The following XKR4 variants were observed in gnomAD, a reference collection of about 807,000 sequenced individuals.
The protein encoded by XKR4 is XK related 4, also known as XK-related protein 4.
A neutral mutation model predicts 53.9 loss-of-function variants in XKR4; 12 were observed. The observed-to-expected ratio is 0.22, with a 90% confidence interval of 0.14 to 0.36. XKR4 has a LOEUF of 0.36. XKR4 is among the 10% of genes least tolerant of loss of function. The pLI is 1.00. For missense variants in XKR4, 799 were observed against 859.5 expected (o/e 0.93, Z 0.88); for synonymous variants, 354 against 362.4 (o/e 0.98, Z 0.26).
At chr8:55,437,374 A>G (rs1450365913) in intron 2 of XKR4, among the ~76,000 whole-genome samples, 1 of 152,030 alleles carries the variant, frequency 6.6e-6, no homozygotes, top group Non-Finnish European at 1.5e-5. Flanking sequence ...CCCAAATCAG[A>G]TTTAGAAGTT....
intron 1 of XKR4, among the ~76,000 whole-genome samples, chr8:55,158,261 G>T (rs756983258): frequency 1.3e-5 from 2 of 152,278 alleles, no homozygotes; most frequent in East Asian, 3.9e-4. Context: ...GATTAGTGAC[G>T]TTGAGGATTT....
chr8:55,375,285 C>T (rs1804130648), intron 2 of XKR4, among the ~76,000 whole-genome samples: 1 of 152,184 alleles, frequency 6.6e-6, no homozygotes, highest in Non-Finnish European at 1.5e-5. Flanking sequence ...GGAGCGTGCA[C>T]CACCTGCCCA....
intron 1 of XKR4, among the ~76,000 whole-genome samples, chr8:55,252,978 A>G (rs1462674461): frequency 6.6e-6 from 1 of 152,154 alleles, no homozygotes; most frequent in Non-Finnish European, 1.5e-5. Flanking sequence ...GGGATGGAAC[A>G]TAGGGAAGAA....
chr8:55,356,187 A>T (rs564792921), intron 1 of XKR4, among the ~76,000 whole-genome samples: 2 of 152,334 alleles, frequency 1.3e-5, no homozygotes, highest in East Asian at 3.9e-4. Flanking sequence ...GAATATCACC[A>T]TTTTGCAACC....
chr8:55,323,291 G>A (rs1787675563), intron 1 of XKR4, among the ~76,000 whole-genome samples: 2 of 152,318 alleles, frequency 1.3e-5, no homozygotes, highest in Admixed American at 6.5e-5. Context: ...TCATTGCAAT[G>A]AAGATACAGA....
chr8:55,455,474 G>A (rs1383790200), intron 2 of XKR4, among the ~76,000 whole-genome samples: 1 of 152,148 alleles, frequency 6.6e-6, no homozygotes, highest in Non-Finnish European at 1.5e-5. Context: ...CATAAACTTT[G>A]GTGCTAGAGG....
chr8:55,110,426 T>C (rs958533598), intron 1 of XKR4, among the ~76,000 whole-genome samples: 9 of 152,180 alleles, frequency 5.9e-5, no homozygotes, highest in Admixed American at 2.0e-4. Context: ...ACTCAGTGAA[T>C]ATCTGCTGAT....
At chr8:55,421,934 C>A (rs988679404) in intron 2 of XKR4, among the ~76,000 whole-genome samples, 1 of 152,184 alleles carries the variant, frequency 6.6e-6, no homozygotes, top group Admixed American at 6.5e-5. Context: ...ATTCAGTAAG[C>A]TCCTGGGAGC....
rs147756776 is a variant in XKR4, at chr8:55,460,167, G to A, written c.1007-63114G>A. On this transcript the variant is annotated intron_variant, in intron 2 of 2. Transcript: ENST00000327381. ...AAAAATCTGGCAAATAAAGGAAACC[G>A]TACGCAAAGACTACCTATTGTATTA... Among the ~76,000 whole-genome samples, 102 of 152,228 alleles carry A rather than the reference G, an allele frequency of 6.7e-4. No individual in the cohort carries two copies. In the East Asian group the frequency reaches 0.013, roughly 19 times the overall value.
chr8:55,453,056 C>G, intron 2 of XKR4: 1 of 602,876 alleles, frequency 1.7e-6, no homozygotes, highest in Non-Finnish European at 3.2e-6. Context: ...TCCCCAACCT[C>G]CTGGGCTGGG....
chr8:55,322,263 A>C (rs987330259), intron 1 of XKR4, among the ~76,000 whole-genome samples: 3 of 152,142 alleles, frequency 2.0e-5, no homozygotes, highest in African/African-American at 7.2e-5. Context: ...TATGTTTCTA[A>C]ATCTCATTCA....
intron 1 of XKR4, among the ~76,000 whole-genome samples, chr8:55,345,585 A>G (rs1357474427): frequency 6.6e-6 from 1 of 152,208 alleles, no homozygotes; most frequent in Non-Finnish European, 1.5e-5. Context: ...TTGGGAAGAA[A>G]AATTAAAGTG....
chr8:55,396,198 C>A (rs1804514485), intron 2 of XKR4, among the ~76,000 whole-genome samples: 1 of 152,138 alleles, frequency 6.6e-6, no homozygotes. Flanking sequence ...AATAGTGCTG[C>A]TCATTTTTAC....
intron 1 of XKR4, among the ~76,000 whole-genome samples, chr8:55,354,996 T>G (rs1803777959): frequency 6.6e-6 from 1 of 151,454 alleles, no homozygotes; most frequent in Admixed American, 6.6e-5. Context: ...CTCCGCCTCC[T>G]GGGTTCAAGT....
At chr8:55,411,993 A>T (rs1241050786) in intron 2 of XKR4, among the ~76,000 whole-genome samples, 2 of 152,208 alleles carry the variant, frequency 1.3e-5, no homozygotes, top group African/African-American at 4.8e-5. Flanking sequence ...GAAACTATTC[A>T]AGGAAACATT....
chr8:55,287,438 C>G (rs1294900335), intron 1 of XKR4, among the ~76,000 whole-genome samples: 1 of 152,196 alleles, frequency 6.6e-6, no homozygotes, highest in African/African-American at 2.4e-5. Context: ...TGCTGGTGAG[C>G]GTACCCATTA....
Position 55,523,139 on chromosome 8 carries a change from C to G in XKR4, c.1007-142C>G, listed in dbSNP as rs148895482. On this transcript the variant is annotated intron_variant, in intron 2 of 2. Coordinates refer to ENST00000327381, the MANE Select transcript of XKR4 (RefSeq NM_052898.2). Reference sequence around the variant, plus strand: ...TCTGGGCAACAGAGCGAGACTCTGTCTCAAAAAAAAAAAAAAAAAGAAATT... The same window carrying G: ...TCTGGGCAACAGAGCGAGACTCTGTGTCAAAAAAAAAAAAAAAAAGAAATT... 5.9e-4 allele frequency: 400 copies of G among 674,512 alleles called. 3 individuals carry two copies. In the African/African-American group the frequency reaches 8.2e-3, roughly 14 times the overall value. The allele number at this position is 674,512 out of a possible 1,614,324, so 41.8% of individuals were successfully genotyped here.
chr8:55,147,403 A>G (rs1248046270), intron 1 of XKR4, among the ~76,000 whole-genome samples: 1 of 152,232 alleles, frequency 6.6e-6, no homozygotes. Context: ...TAAAGAGAGG[A>G]AAGTCTCTCC....
chr8:55,280,423 C>T (rs1324654725), intron 1 of XKR4, among the ~76,000 whole-genome samples: 4 of 152,108 alleles, frequency 2.6e-5, no homozygotes, highest in Non-Finnish European at 4.4e-5. Flanking sequence ...TAGCAAACAC[C>T]CTGCTGTCAA....
Sources: gnomAD v4.1 joint callset for allele counts (sites outside exome capture counted in the v4.1 genomes callset) on GRCh38, gnomAD v4.1.1 for gene constraint, MANE v1.5 for transcripts, NCBI Gene and HGNC (gene_info 2026-07-23, HGNC 2026-07-21) for gene names.